The following POSTN variants were observed in gnomAD, a reference collection of about 807,000 sequenced individuals.
POSTN encodes the protein periostin, also known as osteoblast specific factor 2 (fasciclin I-like).
A neutral mutation model predicts 104.5 loss-of-function variants in POSTN; 71 were observed. That is an observed-to-expected ratio of 0.68 (90% CI 0.56 to 0.83). The LOEUF is 0.83. Ranked by LOEUF, POSTN falls within the 40% of genes least tolerant of loss-of-function variation. The pLI, the probability that POSTN is intolerant of heterozygous loss-of-function variation, is 0.00. For missense variants in POSTN, 949 were observed against 1,006.8 expected (o/e 0.94, Z 0.78); for synonymous variants, 355 against 340.7 (o/e 1.04, Z -0.46).
intron 16 of POSTN, among the ~76,000 whole-genome samples, chr13:37,576,061 A>T (rs1431984479): frequency 6.6e-6 from 1 of 152,088 alleles, no homozygotes; most frequent in African/African-American, 2.4e-5. Flanking sequence ...CTGCAGACTT[A>T]AATAGTTTTG....
In POSTN at chr13:37,598,759, G is replaced by A. The variant is rs3829365; in HGVS notation, c.-33C>T. The A allele has an allele frequency of 6.2e-7, 1 of 1,608,758 alleles. No homozygotes were observed. Among genetic ancestry groups the A allele is most frequent in the Non-Finnish European group, 8.5e-7 (1 of 1,176,520 alleles). On this transcript the variant is annotated 5_prime_UTR_variant, in exon 1 of 23. Transcript: ENST00000379747. ...CTCTCCGTTGCAGTTAGTCCCCGAA[G>A]AGAACTGGCAGTGGGCTTTGGAGAG...
At chr13:37,592,044 C>G in intron 3 of POSTN, 56 bp downstream of exon 3, 1 of 1,303,222 alleles carries the variant, frequency 7.7e-7, no homozygotes, top group Non-Finnish European at 1.1e-6. Context: ...CACAAGCCAC[C>G]TCAACCCTTT....
At chr13:37,585,218 C>A (rs1379801292) in intron 7 of POSTN, among the ~76,000 whole-genome samples, 1 of 152,142 alleles carries the variant, frequency 6.6e-6, no homozygotes, top group Non-Finnish European at 1.5e-5. Flanking sequence ...AAAAAAGTAA[C>A]TCCTGATGTG....
chr13:37,577,668 A>G, intron 16 of POSTN, 85 bp downstream of exon 16: 2 of 1,516,884 alleles, frequency 1.3e-6, no homozygotes, highest in South Asian at 1.4e-5. Context: ...CAGATTATCA[A>G]TAATCTCTGT....
rs1343421868 is a variant in POSTN at position 37,597,244 on chromosome 13, T to C, written c.158A>G (p.Lys53Arg). 4.4e-6 allele frequency: 7 copies of C among 1,587,342 alleles called. No homozygotes were observed. In the African/African-American group the frequency reaches 9.6e-5, roughly 22 times the overall value. Residue 53 changes from lysine (K) to arginine (R), a missense_variant, in exon 2 of 23, where the codon AAA becomes AGA. Coordinates refer to ENST00000379747, the MANE Select transcript of POSTN (RefSeq NM_006475.3). ...VCALQQILGTKKKYFSTCKNW... is the reference protein window; with the variant it reads ...VCALQQILGTRKKYFSTCKNW... Reference sequence around the variant, plus strand: ...CTTACAAGTGCTGAAGTATTTCTTTTTGGTGCCCAAAATCTGTTGAAGGGC... The same window carrying C: ...CTTACAAGTGCTGAAGTATTTCTTTCTGGTGCCCAAAATCTGTTGAAGGGC...
In POSTN at chr13:37,564,553, G is replaced by T; in HGVS notation, c.2439C>A (p.Pro813=). The change falls in exon 22 of 23, where the codon CCC becomes CCA. Residue 813 remains proline, a synonymous_variant. Coordinates refer to ENST00000379747, the MANE Select transcript of POSTN (RefSeq NM_006475.3). Reference sequence around the variant, plus strand: ...TTTTGTTGGCTTGCAACTTCCTCACGGGTGTGTCTAAAATTAAATTGTTGT... The same window carrying T: ...TTTTGTTGGCTTGCAACTTCCTCACTGGTGTGTCTAAAATTAAATTGTTGT... ...EIKRLLQGDT[P]VRKLQANKKV... is the part of the protein sequence containing the mutation. 1 of 1,594,194 alleles carries T rather than the reference G, an allele frequency of 6.3e-7. No individual in the cohort carries two copies.
chr13:37,575,282 T>A lies in POSTN; in HGVS notation c.2009-630A>T, dbSNP rs895485508. Among the ~76,000 whole-genome samples the A allele has an allele frequency of 3.3e-5, 5 of 151,908 alleles. No individual in the cohort carries two copies. The South Asian group carries it at 1.0e-3, about 32-fold the overall frequency. The stretch of plus-strand genomic sequence containing the variant: ...TTCAGCTTTGTTATCACTATCCTTT[T>A]TTTTTTTTAATTTAAAGGTATATAT... On this transcript the variant is annotated intron_variant, in intron 16 of 22. Transcript: ENST00000379747.
chr13:37,571,675 C>A, intron 17 of POSTN: 1 of 451,298 alleles, frequency 2.2e-6, no homozygotes, highest in Non-Finnish European at 3.9e-6. Flanking sequence ...ACTAAAATTA[C>A]TTTCATCTGC....
At chr13:37,587,076 T>C in intron 5 of POSTN, 148 bp from the exon 6 acceptor site, 1 of 694,836 alleles carries the variant, frequency 1.4e-6, no homozygotes, top group Non-Finnish European at 2.3e-6. Context: ...TGGATGAAGA[T>C]TTACATGTTG....
chr13:37,596,775 ACT>A (rs1490757748), intron 2 of POSTN, among the ~76,000 whole-genome samples: 1 of 152,198 alleles, frequency 6.6e-6, no homozygotes, highest in East Asian at 1.9e-4. Context: ...TGCCTCAGAA[ACT>A]CTGATATTTT....
rs1170959573 is a variant in POSTN, at chr13:37,577,781, G to C, written c.1980C>G (p.Thr660=). The C allele has an allele frequency of 6.2e-7, 1 of 1,613,226 alleles. No homozygotes were observed. Among genetic ancestry groups the C allele is most frequent in the Non-Finnish European group, 8.5e-7 (1 of 1,179,612 alleles). The change falls in exon 16 of 23, where the codon ACC becomes ACG. Residue 660 remains threonine, a synonymous_variant. Transcript: ENST00000379747. ...AGACAGTCACGGGGATTTCTTTGAA[G>C]GTGCTACCACGAACAAACTGAAAAT... ...YIQIKFVRGS[T]FKEIPVTVYT... is the part of the protein sequence containing the mutation.
chr13:37,583,724 C>T (rs1455639808), intron 9 of POSTN, among the ~76,000 whole-genome samples: 2 of 151,970 alleles, frequency 1.3e-5, no homozygotes, highest in East Asian at 3.9e-4. Flanking sequence ...CACGCCTGGC[C>T]TGAATAGTCT....
chr13:37,566,492 T>TTA (rs1950105080), intron 21 of POSTN, among the ~76,000 whole-genome samples: 1 of 152,158 alleles, frequency 6.6e-6, no homozygotes, highest in Non-Finnish European at 1.5e-5. Flanking sequence ...TAAGAGCTTG[T>TTA]CATATATTAA....
chr13:37,577,924 G>A (rs1179174645), intron 15 of POSTN, 126 bp from the exon 16 acceptor site: 1 of 1,441,080 alleles, frequency 6.9e-7, no homozygotes, highest in African/African-American at 1.4e-5. Flanking sequence ...TAGAAGTGAA[G>A]TCCTCATATA....
chr13:37,586,596 C>CTA (rs1396956332), intron 6 of POSTN, among the ~76,000 whole-genome samples, 186 bp downstream of exon 6: 1 of 152,154 alleles, frequency 6.6e-6, no homozygotes, highest in Non-Finnish European at 1.5e-5. Context: ...CTTACTCTAT[C>CTA]ATGTCCACAG....
intron 1 of POSTN, among the ~76,000 whole-genome samples, chr13:37,597,801 A>T (rs1041780934): frequency 6.6e-6 from 1 of 152,186 alleles, no homozygotes; most frequent in Non-Finnish European, 1.5e-5. Flanking sequence ...TTGAAACAAT[A>T]TGGTTGCACA....
chr13:37,570,056 A>G (rs1950220009), intron 19 of POSTN, among the ~76,000 whole-genome samples: 1 of 151,928 alleles, frequency 6.6e-6, no homozygotes, highest in Admixed American at 6.6e-5. Context: ...TTGCTCACTA[A>G]TTGTTTAAAC....
At position 37,579,888 on chromosome 13, in the gene POSTN, T is replaced by C. The variant is rs1191071935; in HGVS notation, c.1633A>G (p.Thr545Ala). 4 of 1,613,258 alleles carry C rather than the reference T, an allele frequency of 2.5e-6. No homozygotes were observed. The highest frequency in any genetic ancestry group is 3.4e-6 in the Non-Finnish European group (4 of 1,179,628). The change falls in exon 12 of 23, where the codon ACT becomes GCT. Residue 545 changes from threonine (T) to alanine (A), a missense_variant. Coordinates refer to ENST00000379747, the MANE Select transcript of POSTN (RefSeq NM_006475.3). ...ATCAGAATTTCTTTTTCTTCACTAG[T>C]CATTCCCTTAAAAGCATCATTGGTT... ...VPTNDAFKGM[T>A]SEEKEILIRD...
intron 16 of POSTN, among the ~76,000 whole-genome samples, chr13:37,576,110 C>T (rs1273840311): frequency 6.6e-6 from 1 of 152,006 alleles, no homozygotes; most frequent in Non-Finnish European, 1.5e-5. Context: ...GATTTTAGCC[C>T]TCTCCAGGTC....
Sources: gnomAD v4.1 joint callset for allele counts (sites outside exome capture counted in the v4.1 genomes callset) on GRCh38, gnomAD v4.1.1 for gene constraint, MANE v1.5 for transcripts, NCBI Gene and HGNC (gene_info 2026-07-23, HGNC 2026-07-21) for gene names.